The following IL1RAPL2 variants were observed in gnomAD, a reference collection of about 807,000 sequenced individuals.
IL1RAPL2 encodes interleukin 1 receptor accessory protein like 2.
Under a neutral mutation model 44.1 loss-of-function variants are expected in IL1RAPL2, and 3 were observed. That is an observed-to-expected ratio of 0.07 (90% CI 0.03 to 0.18). IL1RAPL2 has a LOEUF of 0.18. Ranked by LOEUF, IL1RAPL2 falls within the 10% of genes least tolerant of loss-of-function variation. The pLI is 1.00. For missense variants in IL1RAPL2, 391 were observed against 496.4 expected, an observed-to-expected ratio of 0.79 and a Z score of 2.02; for synonymous variants, 181 against 178.8, an observed-to-expected ratio of 1.01 and a Z score of -0.10.
chrX:105,081,750 G>T (rs1490486210), intron 2 of IL1RAPL2, among the ~76,000 whole-genome samples: 3 of 111,672 alleles, frequency 2.7e-5, no homozygotes, highest in South Asian at 7.5e-4. Context: ...TTTTGTCATT[G>T]GTTCTGTTTA....
chrX:104,972,399 T>C (rs942527841), intron 2 of IL1RAPL2, among the ~76,000 whole-genome samples: 3 of 111,381 alleles, frequency 2.7e-5, no homozygotes, highest in Non-Finnish European at 5.7e-5. Context: ...CAGGTAATAG[T>C]GGTGGGGGAG....
intron 6 of IL1RAPL2, among the ~76,000 whole-genome samples, chrX:105,592,925 A>G (rs1053071942): frequency 3.6e-5 from 4 of 111,444 alleles, no homozygotes; most frequent in Non-Finnish European, 7.5e-5. Context: ...GTCCTCTTGT[A>G]TAGTATCTCA....
chrX:105,420,764 A>G (rs5962511), intron 5 of IL1RAPL2, among the ~76,000 whole-genome samples: 13 of 111,491 alleles, frequency 1.2e-4, no homozygotes, highest in African/African-American at 4.2e-4. Context: ...TTCATTCAGT[A>G]TTGGGAAGTG....
intron 2 of IL1RAPL2, among the ~76,000 whole-genome samples, chrX:105,084,765 T>C (rs1316038536): frequency 1.8e-5 from 2 of 111,001 alleles, no homozygotes; most frequent in Non-Finnish European, 3.8e-5. Flanking sequence ...GTACATGACA[T>C]TTGGGAGGGG....
At chrX:105,766,145 A>T (rs951810511) in intron 10 of IL1RAPL2, among the ~76,000 whole-genome samples, 50 of 111,971 alleles carry the variant, frequency 4.5e-4, no homozygotes, top group African/African-American at 1.5e-3. Flanking sequence ...TAACATATTC[A>T]CCTCACTTTC....
chrX:104,638,645 T>A (rs770310165), intron 1 of IL1RAPL2, among the ~76,000 whole-genome samples: 3 of 112,268 alleles, frequency 2.7e-5, no homozygotes, highest in South Asian at 7.4e-4. Context: ...TGGTTTAATA[T>A]CCATGTATTT....
chrX:105,374,891 C>A (rs1219025788), intron 5 of IL1RAPL2, among the ~76,000 whole-genome samples: 3 of 95,920 alleles, frequency 3.1e-5, no homozygotes, highest in Non-Finnish European at 6.1e-5. Flanking sequence ...GAGCTTGCAG[C>A]GAGCCTAGAT....
intron 2 of IL1RAPL2, among the ~76,000 whole-genome samples, chrX:104,916,032 G>A (rs755625283): frequency 8.9e-5 from 10 of 111,774 alleles, no homozygotes; most frequent in African/African-American, 3.3e-4. Flanking sequence ...TTTTGGCTTA[G>A]GATTGACTTG....
chrX:104,758,168 T>C (rs1161614952), intron 2 of IL1RAPL2, among the ~76,000 whole-genome samples: 2 of 111,881 alleles, frequency 1.8e-5, no homozygotes, highest in Non-Finnish European at 3.8e-5. Flanking sequence ...AATTGAATGC[T>C]TGTTCTACTC....
chrX:105,108,867 C>T (rs2032773085), intron 2 of IL1RAPL2, among the ~76,000 whole-genome samples: 1 of 111,438 alleles, frequency 9.0e-6, no homozygotes, highest in African/African-American at 3.3e-5. Flanking sequence ...AATAGGTCCC[C>T]ATTATCCTTA....
At chrX:105,079,750 G>T (rs1321923725) in intron 2 of IL1RAPL2, among the ~76,000 whole-genome samples, 1 of 110,385 alleles carries the variant, frequency 9.1e-6, no homozygotes, top group African/African-American at 3.3e-5. Flanking sequence ...GGTATTTCTG[G>T]TTCTAGATCC....
intron 2 of IL1RAPL2, among the ~76,000 whole-genome samples, chrX:105,039,474 A>G (rs188465012): frequency 8.9e-6 from 1 of 111,882 alleles, no homozygotes. Context: ...ATGCTTCTCA[A>G]CATACCTATA....
chrX:104,727,684 A>G (rs984523835), intron 2 of IL1RAPL2, among the ~76,000 whole-genome samples: 1 of 111,856 alleles, frequency 8.9e-6, no homozygotes, highest in Non-Finnish European at 1.9e-5. Flanking sequence ...AAATCAACCT[A>G]AGTGTCCATC....
At chrX:104,721,799 C>T (rs1467768188) in intron 2 of IL1RAPL2, among the ~76,000 whole-genome samples, 1 of 111,636 alleles carries the variant, frequency 9.0e-6, no homozygotes, top group Non-Finnish European at 1.9e-5. Context: ...AAAACTCATT[C>T]TCAATATATT....
chrX:105,585,426 C>A (rs946261718), intron 6 of IL1RAPL2, among the ~76,000 whole-genome samples: 1 of 109,564 alleles, frequency 9.1e-6, no homozygotes, highest in Non-Finnish European at 1.9e-5. Flanking sequence ...CATAGGTAAA[C>A]GTGTGCCATG....
intron 2 of IL1RAPL2, among the ~76,000 whole-genome samples, chrX:104,973,208 A>C (rs2030267988): frequency 9.0e-6 from 1 of 111,549 alleles, no homozygotes; most frequent in African/African-American, 3.3e-5. Context: ...ACTCCCTGAT[A>C]CCTGTCATGG....
intron 2 of IL1RAPL2, among the ~76,000 whole-genome samples, chrX:104,931,510 T>C (rs1924898212): frequency 9.0e-6 from 1 of 110,730 alleles, no homozygotes; most frequent in African/African-American, 3.3e-5. Context: ...GAATATGAGC[T>C]GCTACCCAAG....
At chrX:105,579,007 C>T (rs907711603) in intron 6 of IL1RAPL2, among the ~76,000 whole-genome samples, 1 of 111,591 alleles carries the variant, frequency 9.0e-6, no homozygotes, top group African/African-American at 3.3e-5. Context: ...TAGAGGTAGA[C>T]TTGGTATTGC....
At chrX:105,752,265 T>C (rs931560827) in intron 9 of IL1RAPL2, among the ~76,000 whole-genome samples, 1 of 112,278 alleles carries the variant, frequency 8.9e-6, no homozygotes, top group African/African-American at 3.2e-5. Flanking sequence ...GATTACACAG[T>C]ATTTGCTCTG....
Sources: allele counts gnomAD v4.1 joint callset (sites outside exome capture counted in the v4.1 genomes callset), GRCh38; gene constraint gnomAD v4.1.1; transcripts MANE v1.5; gene names NCBI Gene and HGNC (gene_info 2026-07-23, HGNC 2026-07-21).